The following RBM27 variants were observed in gnomAD, a reference collection of about 807,000 sequenced individuals.
RBM27 encodes the protein RNA binding motif protein 27.
In RBM27, 22 loss-of-function variants were observed where a neutral mutation model predicts 135.3. The ratio of observed to expected loss-of-function variants is 0.16; its 90% confidence interval spans 0.12 to 0.23. RBM27 has a LOEUF of 0.23. RBM27 is among the 10% of genes least tolerant of loss of function. The probability of loss-of-function intolerance (pLI) is 1.00; values close to 1 mark genes in which losing one functional copy is unlikely to be tolerated. For synonymous variants in RBM27, 481 were observed against 442.4 expected (o/e 1.09, Z -1.10); for missense variants, 1,009 against 1,281.0 (o/e 0.79, Z 3.24).
chr5:146,225,637 C>T (rs1247720695), intron 3 of RBM27, among the ~76,000 whole-genome samples: 1 of 150,856 alleles, frequency 6.6e-6, no homozygotes, highest in Non-Finnish European at 1.5e-5. Context: ...GCCATCTCAG[C>T]TCACTGCAAC....
At chr5:146,210,910 G>A (rs967720571) in intron 1 of RBM27, among the ~76,000 whole-genome samples, 4 of 151,110 alleles carry the variant, frequency 2.6e-5, no homozygotes, top group African/African-American at 4.9e-5. Context: ...TTGCGCCACC[G>A]CACTCCAGCC....
chr5:146,213,505 A>G (rs1318213090), intron 1 of RBM27, among the ~76,000 whole-genome samples: 4 of 152,204 alleles, frequency 2.6e-5, no homozygotes, highest in Admixed American at 2.0e-4. Context: ...CACCTCTGAA[A>G]GAAAGAGCAC....
At chr5:146,284,768 A>T (rs1433261027) in intron 20 of RBM27, 36 bp downstream of exon 20, 1 of 1,235,456 alleles carries the variant, frequency 8.1e-7, no homozygotes, top group African/African-American at 1.5e-5. Flanking sequence ...GTTGAATTAG[A>T]TCACTTCTCA....
chr5:146,242,321 T>C (rs575726974), intron 8 of RBM27, among the ~76,000 whole-genome samples: 3 of 152,340 alleles, frequency 2.0e-5, no homozygotes, highest in African/African-American at 7.2e-5. Context: ...AATTTCCCCT[T>C]AGCATTTGTG....
At position 146,260,115 on chromosome 5, in the gene RBM27, A is replaced by T. The variant is rs556235700; in HGVS notation, c.1740-630A>T. Among the ~76,000 whole-genome samples, 373 of 152,160 alleles carry T rather than the reference A, an allele frequency of 2.5e-3. 3 individuals are homozygous for T. Among genetic ancestry groups the T allele is most frequent in the African/African-American group, 8.8e-3 (365 of 41,502 alleles). On this transcript the variant is annotated intron_variant, in intron 11 of 20. Transcript: ENST00000265271. ...GGAGTTCAAGACCAGCCTGGCCAAC[A>T]TGGTGAAACCTTGTCTGTACTAAGC... is the stretch of plus-strand genomic sequence containing the variant.
intron 1 of RBM27, among the ~76,000 whole-genome samples, chr5:146,208,079 C>T (rs897167623): frequency 2.0e-5 from 3 of 151,208 alleles, no homozygotes; most frequent in African/African-American, 4.9e-5. Context: ...GCCTCAGCCT[C>T]CTGAGTAGCT....
Position 146,205,361 on chromosome 5 carries a change from TAGA to T in RBM27, c.59+1544_59+1546del, listed in dbSNP as rs148842041. On this transcript the variant is annotated intron_variant, in intron 1 of 20. Transcript: ENST00000265271. Reference sequence around the variant, plus strand: ...GAGCTTTCTGCTTGAAAGAAAGGGGTAGAAGAAGAGATGGGCAGGCTTTGATTC... The same window carrying T: ...GAGCTTTCTGCTTGAAAGAAAGGGGTAGAAGAGATGGGCAGGCTTTGATTC... Among the ~76,000 whole-genome samples the T allele has an allele frequency of 5.9e-3, 905 of 152,266 alleles. 8 individuals carry two copies. Among genetic ancestry groups the T allele is most frequent in the African/African-American group, 0.02 (848 of 41,558 alleles).
intron 1 of RBM27, among the ~76,000 whole-genome samples, chr5:146,209,749 C>T (rs770076573): frequency 2.6e-5 from 4 of 152,148 alleles, no homozygotes; most frequent in Admixed American, 2.0e-4. Context: ...TGGTAATTTT[C>T]GAAGTGTACT....
Position 146,233,517 on chromosome 5 carries a change from T to C in RBM27, c.918T>C (p.Asp306=), listed in dbSNP as rs755585416. ...ATGGAAATGATCCCCTAGTTGTTGA[T>C]GAAGTTGCTCTGCCAAGTATGATTC... ...FDHGNDPLVV[D]EVALPSMIPF... Residue 306 remains aspartate (D), a synonymous_variant, in exon 7 of 21, where the codon GAT becomes GAC. Transcript: ENST00000265271. 3.1e-6 allele frequency: 5 copies of C among 1,611,306 alleles called. No individual in the cohort carries two copies. The East Asian group carries it at 6.7e-5, about 22-fold the overall frequency.
At chr5:146,240,354 T>C (rs1005678814) in intron 8 of RBM27, among the ~76,000 whole-genome samples, 5 of 151,862 alleles carry the variant, frequency 3.3e-5, no homozygotes, top group African/African-American at 1.2e-4. Context: ...CTATCTAGAG[T>C]CTCACTTTGT....
In RBM27 at chr5:146,285,976, T is replaced by C. The variant is rs369825206; in HGVS notation, c.3129T>C (p.Pro1043=). The part of the protein sequence containing the change: ...EETETSDLFL[P]DDDDEDEDEY... ...CAGAAACCTCAGATTTGTTTTTGCC[T>C]GATGATGACGATGAAGATGAAGATG... The change falls in exon 21 of 21, where the codon CCT becomes CCC. Residue 1043 remains proline, a synonymous_variant. Transcript: ENST00000265271. 225 of 1,612,756 alleles carry C rather than the reference T, an allele frequency of 1.4e-4. No homozygotes were observed. Among genetic ancestry groups the C allele is most frequent in the Non-Finnish European group, 1.8e-4 (210 of 1,179,320 alleles).
Position 146,242,974 on chromosome 5 carries a change from A to T in RBM27, c.1279+5542A>T, listed in dbSNP as rs950589819. On this transcript the variant is annotated intron_variant, in intron 8 of 20. Transcript: ENST00000265271. ...ATTTTTCTATTCAGTTGATTTTAAG[A>T]TAGCTTTTGGGCTGGGCATGGTGGC... Among the ~76,000 whole-genome samples the T allele has an allele frequency of 3.9e-5, 6 of 152,190 alleles. No individual in the cohort carries two copies. The South Asian group carries it at 6.2e-4, about 16-fold the overall frequency.
chr5:146,239,670 G>A (rs1025061223), intron 8 of RBM27, among the ~76,000 whole-genome samples: 15 of 151,538 alleles, frequency 9.9e-5, no homozygotes, highest in African/African-American at 3.2e-4. Context: ...GGTAGAGATG[G>A]GGTTTTGTTA....
intron 8 of RBM27, among the ~76,000 whole-genome samples, chr5:146,243,603 T>C (rs1757501209): frequency 6.6e-6 from 1 of 152,238 alleles, no homozygotes; most frequent in South Asian, 2.1e-4. Context: ...ACTCGTACTA[T>C]AATTGGTAAT....
intron 8 of RBM27, among the ~76,000 whole-genome samples, chr5:146,243,072 C>T (rs372549660): frequency 2.0e-5 from 3 of 151,836 alleles, no homozygotes; most frequent in East Asian, 1.9e-4. Flanking sequence ...TTGAGACCAG[C>T]GTGGTCAACA....
chr5:146,216,523 G>T (rs1756200598), intron 1 of RBM27, among the ~76,000 whole-genome samples: 1 of 152,014 alleles, frequency 6.6e-6, no homozygotes, highest in Non-Finnish European at 1.5e-5. Flanking sequence ...GAACACTTAA[G>T]ATCTACTCTC....
At chr5:146,281,258 C>G (rs1057228223) in intron 19 of RBM27, among the ~76,000 whole-genome samples, 20 of 152,114 alleles carry the variant, frequency 1.3e-4, no homozygotes, top group African/African-American at 4.8e-4. Context: ...TTCCTAAGTG[C>G]AAGGCTGTGA....
At chr5:146,276,077 T>C (rs1360699704) in intron 19 of RBM27, among the ~76,000 whole-genome samples, 1 of 152,100 alleles carries the variant, frequency 6.6e-6, no homozygotes, top group East Asian at 1.9e-4. Flanking sequence ...AGTTTTTTTT[T>C]CTTTTTTTAA....
At chr5:146,247,651 C>T (rs1757687558) in intron 8 of RBM27, among the ~76,000 whole-genome samples, 1 of 152,162 alleles carries the variant, frequency 6.6e-6, no homozygotes, top group African/African-American at 2.4e-5. Flanking sequence ...CCTCTATCCC[C>T]TGTATTACCT....
Sources: gnomAD v4.1 joint callset for allele counts (sites outside exome capture counted in the v4.1 genomes callset) on GRCh38, gnomAD v4.1.1 for gene constraint, MANE v1.5 for transcripts, NCBI Gene and HGNC (gene_info 2026-07-23, HGNC 2026-07-21) for gene names.